Variants in BSN observed in about 807,000 individuals in gnomAD.
BSN encodes the protein bassoon presynaptic cytomatrix protein.
A neutral mutation model predicts 264.8 loss-of-function variants in BSN; 57 were observed. The observed-to-expected ratio is 0.22, with a 90% CI of 0.17 to 0.27. BSN has a LOEUF of 0.27. Ranked by LOEUF, BSN falls within the 10% of genes least tolerant of loss-of-function variation. BSN has a pLI of 1.00. For missense variants in BSN, 4,615 were observed against 5,232.5 expected, an observed-to-expected ratio of 0.88 and a Z score of 3.64; for synonymous variants, 2,059 against 2,137.3, an observed-to-expected ratio of 0.96 and a Z score of 1.01.
intron 1 of BSN, among the ~76,000 whole-genome samples, chr3:49,609,409 T>C (rs956639438): frequency 1.3e-5 from 2 of 152,108 alleles, no homozygotes; most frequent in African/African-American, 4.8e-5. Context: ...TTGGCCTGAA[T>C]TGGCTTTTAA....
At position 49,638,752 on chromosome 3, in the gene BSN, G is replaced by A. The variant is rs2052438582; in HGVS notation, c.634-3516G>A. ...GAAAGTTCTGGCGGTGAGTGCAGGC[G>A]GTTTGGCACGTGCCTTTGTTCAGCC... On this transcript the variant is annotated intron_variant, in intron 2 of 11. Transcript: ENST00000296452. The surrounding 1 kb of genome is among the most constrained non-coding windows in gnomAD (Gnocchi z 4.3). 6.6e-6 allele frequency among the ~76,000 whole-genome samples: 1 copy of A among 152,214 alleles called. No homozygotes were observed. The highest frequency in any genetic ancestry group is 2.1e-4 in the South Asian group (1 of 4,832).
At chr3:49,599,004 A>G (rs2052049444) in intron 1 of BSN, among the ~76,000 whole-genome samples, 1 of 152,172 alleles carries the variant, frequency 6.6e-6, no homozygotes, top group South Asian at 2.1e-4. Context: ...AGAAACTAGC[A>G]GGTTGGATTT....
rs991608929 is a variant in BSN at position 49,638,018 on chromosome 3, G to A, written c.634-4250G>A. Among the ~76,000 whole-genome samples, 4 of 152,234 alleles carry A rather than the reference G, an allele frequency of 2.6e-5. No individual in the cohort carries two copies. Among genetic ancestry groups the A allele is most frequent in the East Asian group, 1.9e-4 (1 of 5,184 alleles). On this transcript the variant is annotated intron_variant, in intron 2 of 11. Transcript: ENST00000296452. The surrounding 1 kb of genome is among the most constrained non-coding windows in gnomAD (Gnocchi z 4.3). Reference sequence around the variant, plus strand: ...CCCAGGAAGGCTCCTGAGACACGAGGCTCGTGGCTGGTAGCCTGCACATCT... The same window carrying A: ...CCCAGGAAGGCTCCTGAGACACGAGACTCGTGGCTGGTAGCCTGCACATCT...
chr3:49,592,001 ATCTCTCAT>A (rs1470735660), intron 1 of BSN, among the ~76,000 whole-genome samples: 3 of 152,212 alleles, frequency 2.0e-5, no homozygotes, highest in Non-Finnish European at 2.9e-5. Context: ...ATATCAACAC[ATCTCTCAT>A]TCACAATTTT....
chr3:49,574,635 T>C (rs1447825669), intron 1 of BSN, among the ~76,000 whole-genome samples: 7 of 133,564 alleles, frequency 5.2e-5, no homozygotes, highest in South Asian at 2.6e-4. Flanking sequence ...GGTTTCTTTT[T>C]TTTTTTTTTT....
chr3:49,613,303 C>CGAGAGAGAGAGAGAGAGAGAGAGAGA lies in BSN; in HGVS notation c.225-11651_225-11626dup, dbSNP rs752108805. On this transcript the variant is annotated intron_variant, in intron 1 of 11. Transcript: ENST00000296452. ...TATATATATATATACACACACAGAG[C>CGAGAGAGAGAGAGAGAGAGAGAGAGA]GAGAGAGAGAGAGAGAGAGAGAGAG... 1.5e-3 allele frequency among the ~76,000 whole-genome samples: 72 copies of CGAGAGAGAGAGAGAGAGAGAGAGAGA among 47,344 alleles called. 24 individuals are homozygous for CGAGAGAGAGAGAGAGAGAGAGAGAGA. Among genetic ancestry groups the CGAGAGAGAGAGAGAGAGAGAGAGAGA allele is most frequent in the Non-Finnish European group, 2.2e-3 (54 of 25,056 alleles). 31.1% of individuals were successfully genotyped at this position (47,344 alleles called of 152,430 possible).
At chr3:49,566,174 A>G (rs567828677) in intron 1 of BSN, among the ~76,000 whole-genome samples, 1 of 152,348 alleles carries the variant, frequency 6.6e-6, no homozygotes, top group African/African-American at 2.4e-5. Flanking sequence ...CAACGTCTAC[A>G]TATTGCATTT....
intron 1 of BSN, among the ~76,000 whole-genome samples, chr3:49,590,140 C>A (rs977612946): frequency 4.6e-5 from 7 of 152,100 alleles, no homozygotes. Flanking sequence ...CCCGCCAAAT[C>A]TTCATTTTCA....
intron 1 of BSN, among the ~76,000 whole-genome samples, chr3:49,575,214 C>T (rs187344164): frequency 2.6e-5 from 4 of 151,596 alleles, no homozygotes; most frequent in Non-Finnish European, 5.9e-5. Flanking sequence ...ATTAGCCGGG[C>T]GTGGTGGTGG....
rs770804320 is a variant in BSN at position 49,657,460 on chromosome 3, G to A, written c.7904G>A (p.Arg2635His). 9 of 1,612,886 alleles carry A rather than the reference G, an allele frequency of 5.6e-6. No individual in the cohort carries two copies. The highest frequency in any genetic ancestry group is 1.3e-5 in the African/African-American group (1 of 74,928). ...PVRRRRSRLP[R>H]HSDSGSDSKH... ...CGCCGCCGCAGGTCTCGTCTTCCCCGCCACTCAGACTCAGGCTCTGACAGC... is the reference window on the plus strand; with the variant it reads ...CGCCGCCGCAGGTCTCGTCTTCCCCACCACTCAGACTCAGGCTCTGACAGC... Residue 2635 changes from arginine (R) to histidine (H), a missense_variant, in exon 5 of 12, where the codon CGC becomes CAC. Physicochemically the swap from Arg to His is conservative, Grantham distance 29. Transcript: ENST00000296452.
chr3:49,650,181 A>G (rs572816557), intron 3 of BSN, among the ~76,000 whole-genome samples: 3 of 152,282 alleles, frequency 2.0e-5, no homozygotes, highest in African/African-American at 7.2e-5. Flanking sequence ...GCCTCCAGGA[A>G]GTGCTCCATG....
In BSN at chr3:49,654,291, T is replaced by C; in HGVS notation, c.4735T>C (p.Ser1579Pro). ...TRMVHASAST[S>P]PLCSPTETQP... ...GATGGTACATGCCAGTGCCTCCACC[T>C]CCCCGCTCTGCTCACCTACTGAAAC... The change falls in exon 5 of 12, where the codon TCC becomes CCC. Residue 1579 changes from serine (S) to proline (P), a missense_variant. This residue lies in a region of BSN where 3,415 missense variants were observed against 3,866.4 expected (regional missense o/e 0.88). Coordinates refer to ENST00000296452, the MANE Select transcript of BSN (RefSeq NM_003458.4). This position sits in a 1 kb window ranked among gnomAD's most constrained non-coding sequence, Gnocchi z 4.1. The C allele has an allele frequency of 6.2e-7, 1 of 1,613,386 alleles. No individual in the cohort carries two copies. The highest frequency in any genetic ancestry group is 8.5e-7 in the Non-Finnish European group (1 of 1,179,848).
Position 49,652,140 on chromosome 3 carries a change from A to G in BSN, c.2584A>G (p.Thr862Ala). ...GGAAGACAACCTGGAGGAGGATGACACTGCCACCTCCGGGCGTGGCCTGGC... is the reference window on the plus strand; with the variant it reads ...GGAAGACAACCTGGAGGAGGATGACGCTGCCACCTCCGGGCGTGGCCTGGC... The part of the protein sequence containing the change: ...AEEDNLEEDD[T>A]ATSGRGLAKH... The change falls in exon 5 of 12, where the codon ACT (threonine) becomes GCT (alanine). Residue 862 changes from threonine to alanine, a missense_variant. Thr to Ala is a moderately conservative substitution (Grantham distance 58). This residue lies in a region of BSN where 1,197 missense variants were observed against 1,348.0 expected (regional missense o/e 0.89). Coordinates refer to ENST00000296452, the MANE Select transcript of BSN (RefSeq NM_003458.4). 6.2e-7 allele frequency: 1 copy of G among 1,614,032 alleles called. No individual in the cohort carries two copies. The highest frequency in any genetic ancestry group is 8.5e-7 in the Non-Finnish European group (1 of 1,179,932).
At chr3:49,664,604 G>T in intron 9 of BSN, 50 bp downstream of exon 9, 1 of 1,555,680 alleles carries the variant, frequency 6.4e-7, no homozygotes. Flanking sequence ...TCTGGTACAG[G>T]CTGGGTCTGT....
At chr3:49,619,602 G>A (rs546857972) in intron 1 of BSN, among the ~76,000 whole-genome samples, 73 of 152,216 alleles carry the variant, frequency 4.8e-4, no homozygotes, top group Non-Finnish European at 7.5e-4. Context: ...AATTTGCTGT[G>A]AGGCTTAAAG....
chr3:49,636,899 C>G (rs2052424177), intron 2 of BSN, among the ~76,000 whole-genome samples: 1 of 152,240 alleles, frequency 6.6e-6, no homozygotes, highest in African/African-American at 2.4e-5. Flanking sequence ...CTTAGCTGCC[C>G]TTCTGCACAT....
intron 2 of BSN, among the ~76,000 whole-genome samples, chr3:49,637,943 T>G (rs2108068155): frequency 6.6e-6 from 1 of 152,166 alleles, no homozygotes; most frequent in Admixed American, 6.5e-5. Context: ...GCAAGAAGAG[T>G]CAGCTCATTC....
intron 1 of BSN, among the ~76,000 whole-genome samples, chr3:49,591,480 T>C (rs2051976902): frequency 1.3e-5 from 2 of 152,262 alleles, no homozygotes; most frequent in African/African-American, 4.8e-5. Context: ...TAAATAACTT[T>C]GTTATTTCTT....
At chr3:49,574,423 C>T (rs1173730632) in intron 1 of BSN, among the ~76,000 whole-genome samples, 8 of 152,024 alleles carry the variant, frequency 5.3e-5, no homozygotes, top group African/African-American at 1.2e-4. Context: ...GGGGTGGGGG[C>T]AGGAAAGCCT....
Sources: allele counts gnomAD v4.1 joint callset (sites outside exome capture counted in the v4.1 genomes callset), GRCh38; gene constraint gnomAD v4.1.1; regional missense constraint gnomAD v4.1.1; non-coding constraint Gnocchi (gnomAD v3.1); transcripts MANE v1.5; gene names NCBI Gene and HGNC (gene_info 2026-07-23, HGNC 2026-07-21).